CDK17: variants seen among roughly 807,000 people sequenced by gnomAD.
CDK17 encodes cyclin-dependent kinase 17.
CDK17 carries 24 observed loss-of-function variants against 77.6 expected under a neutral mutation model. The observed-to-expected ratio is 0.31, with a 90% CI of 0.22 to 0.44. The LOEUF (loss-of-function observed/expected upper bound fraction) is 0.44, where lower values mean the gene tolerates loss of function less well. Among genes scored for constraint, CDK17 ranks in the 20% least tolerant of loss-of-function variants. CDK17 has a pLI of 1.00. For synonymous variants in CDK17, 203 were observed against 210.4 expected (o/e 0.96, Z 0.30); for missense variants, 429 against 622.5 (o/e 0.69, Z 3.31).
At chr12:96,359,663 G>T (rs891077449) in intron 1 of CDK17, among the ~76,000 whole-genome samples, 1 of 152,016 alleles carries the variant, frequency 6.6e-6, no homozygotes, top group Non-Finnish European at 1.5e-5. Context: ...TAACATTTTG[G>T]CATTTGGAGA....
chr12:96,340,453 G>C (rs1734705313), intron 1 of CDK17, among the ~76,000 whole-genome samples: 2 of 151,780 alleles, frequency 1.3e-5, no homozygotes, highest in South Asian at 4.1e-4. Context: ...TTTAATCTGT[G>C]GTATAATTGT....
At position 96,367,663 on chromosome 12, in the gene CDK17, G is replaced by A. The variant is rs547776391; in HGVS notation, c.-30+32323C>T. On this transcript the variant is annotated intron_variant, in intron 1 of 16. Coordinates refer to ENST00000261211, the MANE Select transcript of CDK17 (RefSeq NM_002595.5). ...TCCATATGTGAGATTACCTATCCTGGCATGTGAGTCACAGCAGAAGCAAAG... is the reference window on the plus strand; with the variant it reads ...TCCATATGTGAGATTACCTATCCTGACATGTGAGTCACAGCAGAAGCAAAG... Among the ~76,000 whole-genome samples the A allele has an allele frequency of 3.3e-5, 5 of 152,052 alleles. No homozygotes were observed. In the South Asian group the frequency reaches 1.0e-3, roughly 32 times the overall value.
intron 1 of CDK17, among the ~76,000 whole-genome samples, chr12:96,360,723 A>G (rs1205885401): frequency 1.3e-5 from 2 of 152,186 alleles, no homozygotes; most frequent in African/African-American, 2.4e-5. Flanking sequence ...CAGCTCTGGG[A>G]CCACAGAAGA....
At chr12:96,359,841 C>T (rs1190905237) in intron 1 of CDK17, among the ~76,000 whole-genome samples, 2 of 152,022 alleles carry the variant, frequency 1.3e-5, no homozygotes, top group Non-Finnish European at 2.9e-5. Context: ...ATCTATATCC[C>T]TTGATAAGTA....
At chr12:96,305,124 T>C (rs186225567) in intron 5 of CDK17, among the ~76,000 whole-genome samples, 3 of 152,328 alleles carry the variant, frequency 2.0e-5, no homozygotes, top group African/African-American at 4.8e-5. Flanking sequence ...TATCTACATA[T>C]AGGCTTTGCC....
chr12:96,278,799 G>A lies in CDK17; in HGVS notation c.*1443C>T, dbSNP rs754113692. Reference sequence around the variant, plus strand: ...TTTTTAAAATTAAAATTTTAGTATCGTGAAATATTAAAATAACACCCCAAA... The same window carrying A: ...TTTTTAAAATTAAAATTTTAGTATCATGAAATATTAAAATAACACCCCAAA... On this transcript the variant is annotated 3_prime_UTR_variant, in exon 17 of 17. Transcript: ENST00000261211. 3.3e-5 allele frequency: 5 copies of A among 152,230 alleles called. No homozygotes were observed. Among genetic ancestry groups the A allele is most frequent in the East Asian group, 1.9e-4 (1 of 5,186 alleles). The allele number at this position is 152,230 out of a possible 1,614,324, so 9.4% of individuals were successfully genotyped here. A position where few individuals can be genotyped will look rare whatever the true frequency, so the allele number is the denominator to read the frequency against.
intron 2 of CDK17, 107 bp from the exon 3 acceptor site, chr12:96,324,219 A>T (rs753086834): frequency 1.3e-5 from 8 of 638,288 alleles, no homozygotes; most frequent in Non-Finnish European, 2.0e-5. Context: ...AGATTAGTAC[A>T]TTTAGCCTCA....
chr12:96,286,485 TAGC>T lies in CDK17; in HGVS notation c.1216+176_1216+178del, dbSNP rs1215162291. ...AAATCTTTATTGCAAAGATAAAACT[TAGC>T]AGATGAAGTTACCTAGAAGGATCTA... is the stretch of plus-strand genomic sequence containing the variant. On this transcript the variant is annotated intron_variant, in intron 12 of 16. Coordinates refer to ENST00000261211, the MANE Select transcript of CDK17 (RefSeq NM_002595.5). Among the ~76,000 whole-genome samples, 15 of 152,302 alleles carry T rather than the reference TAGC, an allele frequency of 9.8e-5. No homozygotes were observed. In the East Asian group the frequency reaches 2.9e-3, roughly 29 times the overall value.
intron 1 of CDK17, among the ~76,000 whole-genome samples, chr12:96,349,141 G>T (rs1397853951): frequency 1.3e-5 from 2 of 152,120 alleles, no homozygotes; most frequent in African/African-American, 4.8e-5. Flanking sequence ...AGAATGCGAC[G>T]GTGGTTCAAC....
At chr12:96,341,017 G>A (rs970904265) in intron 1 of CDK17, among the ~76,000 whole-genome samples, 8 of 151,874 alleles carry the variant, frequency 5.3e-5, no homozygotes, top group African/African-American at 1.9e-4. Context: ...AGTAGGCCCC[G>A]GTGTCTGTTG....
intron 1 of CDK17, among the ~76,000 whole-genome samples, chr12:96,370,185 T>C (rs1953669244): frequency 6.6e-6 from 1 of 152,224 alleles, no homozygotes; most frequent in Non-Finnish European, 1.5e-5. Context: ...TCAGGCAATG[T>C]TTTCTTCCAA....
At chr12:96,377,982 T>C (rs565976814) in intron 1 of CDK17, among the ~76,000 whole-genome samples, 109 of 152,330 alleles carry the variant, frequency 7.2e-4, no homozygotes, top group South Asian at 1.2e-3. Context: ...CGTGAGCCAC[T>C]GCGCCCGGCC....
chr12:96,297,402 T>C, intron 8 of CDK17, 70 bp from the exon 9 acceptor site: 3 of 1,049,284 alleles, frequency 2.9e-6, no homozygotes, highest in South Asian at 1.4e-5. Context: ...CACTTAATAG[T>C]GTTTTTCAAA....
At chr12:96,365,413 A>G (rs538612707) in intron 1 of CDK17, among the ~76,000 whole-genome samples, 16 of 152,318 alleles carry the variant, frequency 1.1e-4, no homozygotes, top group African/African-American at 3.8e-4. Context: ...GACTCACCCA[A>G]GAGTCACTAT....
chr12:96,315,206 T>A (rs1010097049), intron 3 of CDK17, among the ~76,000 whole-genome samples: 1 of 152,214 alleles, frequency 6.6e-6, no homozygotes. Context: ...TAATAATATT[T>A]ACATATAAAA....
chr12:96,302,848 T>A (rs1413825137), intron 5 of CDK17, among the ~76,000 whole-genome samples: 3 of 152,168 alleles, frequency 2.0e-5, no homozygotes, highest in Non-Finnish European at 4.4e-5. Flanking sequence ...TAAATTTGAA[T>A]AATCAGTCTA....
At chr12:96,308,229 T>TAAA (rs61572243) in intron 5 of CDK17, among the ~76,000 whole-genome samples, 16 of 63,698 alleles carry the variant, frequency 2.5e-4, no homozygotes, top group African/African-American at 5.2e-4. Context: ...ATGCCATCTC[T>TAAA]AAAAAAAAAA....
At chr12:96,363,914 A>C (rs191812191) in intron 1 of CDK17, among the ~76,000 whole-genome samples, 173 of 152,376 alleles carry the variant, frequency 1.1e-3, no homozygotes, top group Non-Finnish European at 2.0e-3. Context: ...AGAGGTTCAC[A>C]GTGCGAGAAG....
intron 5 of CDK17, among the ~76,000 whole-genome samples, chr12:96,301,025 C>CA (rs1952492472): frequency 6.6e-6 from 1 of 152,054 alleles, no homozygotes; most frequent in Non-Finnish European, 1.5e-5. Context: ...AACAAAATTG[C>CA]AAAATAAATA....
Sources: allele counts gnomAD v4.1 joint callset (sites outside exome capture counted in the v4.1 genomes callset), GRCh38; gene constraint gnomAD v4.1.1; transcripts MANE v1.5; gene names NCBI Gene and HGNC (gene_info 2026-07-23, HGNC 2026-07-21).